Variants in RMDN1 observed in about 807,000 individuals in gnomAD.
The protein encoded by RMDN1 is regulator of microtubule dynamics protein 1.
A neutral mutation model predicts 48.9 loss-of-function variants in RMDN1; 48 were observed. The ratio of observed to expected loss-of-function variants is 0.98; its 90% confidence interval spans 0.78 to 1.25. The LOEUF (loss-of-function observed/expected upper bound fraction) is 1.25, where lower values mean the gene tolerates loss of function less well. RMDN1 is among the 50% of genes most tolerant of loss of function. The pLI is 0.00. For synonymous variants in RMDN1, 148 were observed against 132.6 expected, an observed-to-expected ratio of 1.12 and a Z score of -0.80; for missense variants, 418 against 373.4, an observed-to-expected ratio of 1.12 and a Z score of -0.98.
downstream of RMDN1, chr8:86,470,360 C>T (rs1812434891): frequency 3.9e-6 from 5 of 1,288,970 alleles, no homozygotes; most frequent in Non-Finnish European, 4.0e-6. Flanking sequence ...TGGGTCTCAC[C>T]CTTAGTGGGG....
intron 1 of RMDN1, 28 bp from the exon 2 acceptor site, chr8:86,507,140 C>A: frequency 6.9e-7 from 1 of 1,438,880 alleles, no homozygotes; most frequent in Non-Finnish European, 9.8e-7. Context: ...TTAAGAGTTA[C>A]AAACTTTGAA....
chr8:86,483,000 C>T (rs947093414), intron 5 of RMDN1: 5 of 654,764 alleles, frequency 7.6e-6, no homozygotes, highest in South Asian at 1.7e-5. Flanking sequence ...TGAGCAGTGG[C>T]ATCGTGGAGG....
At chr8:86,478,658 A>G in intron 7 of RMDN1, 1 of 422,232 alleles carries the variant, frequency 2.4e-6, no homozygotes, top group Non-Finnish European at 4.3e-6. Flanking sequence ...TAGATTTCAA[A>G]CAGAAAATGA....
In RMDN1 at chr8:86,508,648, A is replaced by G; in HGVS notation, c.-28T>C. The stretch of plus-strand genomic sequence containing the variant: ...CCTGCAACTTGCGGGCTGACCCTGC[A>G]CTACTTCAGGCAGCTACGGAGGCGG... On this transcript the variant is annotated 5_prime_UTR_variant, in exon 1 of 10. Coordinates refer to ENST00000406452, the MANE Select transcript of RMDN1 (RefSeq NM_016033.3). 2.5e-6 allele frequency: 4 copies of G among 1,583,606 alleles called. No individual in the cohort carries two copies. Among genetic ancestry groups the G allele is most frequent in the East Asian group, 4.6e-5 (2 of 43,410 alleles).
upstream of RMDN1, among the ~76,000 whole-genome samples, chr8:86,510,156 CTA>C (rs1370938648): frequency 6.6e-6 from 1 of 152,102 alleles, no homozygotes; most frequent in African/African-American, 2.4e-5. Context: ...CATATCTTAC[CTA>C]TAATACACAT....
At chr8:86,483,808 C>T (rs1814978794) in intron 5 of RMDN1, among the ~76,000 whole-genome samples, 1 of 148,546 alleles carries the variant, frequency 6.7e-6, no homozygotes, top group Admixed American at 6.7e-5. Flanking sequence ...AATAAATATG[C>T]TGGTATTTTT....
chr8:86,480,317 TC>T lies in RMDN1; in HGVS notation c.600del (p.Asn201ThrfsTer45). ...IKEHFEKAIE[L>X]NPKDATSIHL... ...TGAATTGAAGTAGCATCTTTAGGGTTCAGTTCAATTGCTTTCTAACAAGAAA... is the reference window on the plus strand; with the variant it reads ...TGAATTGAAGTAGCATCTTTAGGGTTAGTTCAATTGCTTTCTAACAAGAAA... On this transcript the variant is annotated frameshift_variant, in exon 6 of 10. Coordinates refer to ENST00000406452, the MANE Select transcript of RMDN1 (RefSeq NM_016033.3). LOFTEE classifies it high-confidence loss of function. 1 of 1,537,420 alleles carries T rather than the reference TC, an allele frequency of 6.5e-7. No homozygotes were observed. The highest frequency in any genetic ancestry group is 8.9e-7 in the Non-Finnish European group (1 of 1,129,288).
upstream of RMDN1, among the ~76,000 whole-genome samples, chr8:86,509,261 T>A (rs1479396704): frequency 6.6e-6 from 1 of 152,120 alleles, no homozygotes; most frequent in East Asian, 1.9e-4. Context: ...ACTGATGCCC[T>A]TGAATGCTAG....
intron 1 of RMDN1, among the ~76,000 whole-genome samples, chr8:86,507,931 C>T (rs1032098451): frequency 1.3e-5 from 2 of 152,178 alleles, no homozygotes; most frequent in Non-Finnish European, 2.9e-5. Context: ...AATTCCCTGA[C>T]AAGAATAAAC....
Position 86,503,366 on chromosome 8 carries a change from C to CAAAAAAAAAAAAAAAAAAAAA in RMDN1, c.247+3628_247+3629insTTTTTTTTTTTTTTTTTTTTT, listed in dbSNP as rs1354324383. ...GACTCCGTCTCAAAACAAAACAAAA[C>CAAAAAAAAAAAAAAAAAAAAA]AAAACAAAAAAAAAAAAAAAAAACA... is the stretch of plus-strand genomic sequence containing the variant. On this transcript the variant is annotated intron_variant, in intron 2 of 9. Transcript: ENST00000406452. 1.1e-3 allele frequency among the ~76,000 whole-genome samples: 80 copies of CAAAAAAAAAAAAAAAAAAAAA among 70,394 alleles called. 2 individuals carry two copies. The highest frequency in any genetic ancestry group is 2.2e-3 in the Non-Finnish European group (61 of 27,830). The allele number at this position is 70,394 out of a possible 152,430, so 46.2% of individuals were successfully genotyped here. A position where few individuals can be genotyped will look rare whatever the true frequency, so the allele number is the denominator to read the frequency against.
intron 2 of RMDN1, chr8:86,504,848 T>A: frequency 9.3e-7 from 1 of 1,076,170 alleles, no homozygotes; most frequent in Non-Finnish European, 1.4e-6. Flanking sequence ...CCTCTGCTGC[T>A]TATTATTTAG....
chr8:86,489,532 A>G (rs1816100910), intron 2 of RMDN1, among the ~76,000 whole-genome samples: 1 of 152,080 alleles, frequency 6.6e-6, no homozygotes, highest in African/African-American at 2.4e-5. Flanking sequence ...AGTATACTTG[A>G]GGTTAAAAGG....
In RMDN1 at chr8:86,507,112, C is replaced by A; in HGVS notation, c.130G>T (p.Val44Leu). ...TTGAAAGTTCCTGGGTTTCCCATTA[C>A]CTATGGAAACAATTATGTTAAGAGT... ...CGPCRFRGFE[V>L]MGNPGTFKRG... Residue 44 changes from valine to leucine, a missense_variant and splice_region_variant, in exon 2 of 10, where the codon GTA (valine) becomes TTA (leucine). Physicochemically the swap from Val to Leu is conservative, Grantham distance 32. Coordinates refer to ENST00000406452, the MANE Select transcript of RMDN1 (RefSeq NM_016033.3). 6.4e-7 allele frequency: 1 copy of A among 1,553,116 alleles called. No individual in the cohort carries two copies. The highest frequency in any genetic ancestry group is 8.9e-7 in the Non-Finnish European group (1 of 1,124,780).
downstream of RMDN1, chr8:86,470,431 G>GACTT: frequency 7.9e-7 from 1 of 1,265,372 alleles, no homozygotes; most frequent in Non-Finnish European, 1.0e-6. Flanking sequence ...AAATGGAAGA[G>GACTT]ACTTAGTGCA....
intron 2 of RMDN1, chr8:86,494,865 T>C (rs891535171): frequency 5.3e-6 from 2 of 377,860 alleles, no homozygotes; most frequent in Non-Finnish European, 1.0e-5. Context: ...TCCCAGCTAC[T>C]TGGGAGGCTG....
chr8:86,503,664 T>C, intron 2 of RMDN1: 1 of 481,604 alleles, frequency 2.1e-6, no homozygotes, highest in South Asian at 1.6e-5. Flanking sequence ...AACACGGGAG[T>C]CATCAGTGCT....
At chr8:86,468,433 T>TAA, downstream of RMDN1, 1 of 414,810 alleles carries the variant, frequency 2.4e-6, no homozygotes, top group South Asian at 1.8e-5. Flanking sequence ...CCTAAAGAAT[T>TAA]AAAAAAAAAA....
At chr8:86,474,405 A>T in intron 9 of RMDN1, 47 bp from the exon 10 acceptor site, 1 of 1,454,290 alleles carries the variant, frequency 6.9e-7, no homozygotes, top group Non-Finnish European at 9.6e-7. Context: ...GAGCTAAGAG[A>T]CTAACTTGTG....
intron 2 of RMDN1, among the ~76,000 whole-genome samples, chr8:86,494,496 C>G (rs1816999294): frequency 6.6e-6 from 1 of 152,100 alleles, no homozygotes; most frequent in African/African-American, 2.4e-5. Context: ...GTCGAGGCTG[C>G]AATGAGCTGT....
Sources: allele counts gnomAD v4.1 joint callset (sites outside exome capture counted in the v4.1 genomes callset), GRCh38; gene constraint gnomAD v4.1.1; transcripts MANE v1.5; gene names NCBI Gene and HGNC (gene_info 2026-07-23, HGNC 2026-07-21).